The following GFAP variants were observed in gnomAD, a reference collection of about 807,000 sequenced individuals.
GFAP encodes intermediate filament protein.
In GFAP, 38 loss-of-function variants were observed where a neutral mutation model predicts 49.3. That is an observed-to-expected ratio of 0.77 (90% confidence interval 0.60 to 1.01). The LOEUF is 1.01. GFAP is among the 50% of genes least tolerant of loss of function. The pLI, the probability that GFAP is intolerant of heterozygous loss-of-function variation, is 0.00. For missense variants in GFAP, 463 were observed against 579.1 expected, an observed-to-expected ratio of 0.80 and a Z score of 2.06; for synonymous variants, 222 against 236.4, an observed-to-expected ratio of 0.94 and a Z score of 0.56.
chr17:44,912,162 C>T (rs1170299330), intron 4 of GFAP, among the ~76,000 whole-genome samples: 1 of 151,438 alleles, frequency 6.6e-6, no homozygotes, highest in Non-Finnish European at 1.5e-5. Context: ...TTGCTCTTGT[C>T]GCCCAGGTTG....
rs2051628907 is a variant in GFAP at position 44,904,860 on chromosome 17, A to G, written c.*2487T>C. 6.4e-7 allele frequency: 1 copy of G among 1,550,576 alleles called. No homozygotes were observed. The highest frequency in any genetic ancestry group is 2.0e-5 in the Admixed American group (1 of 51,006). On this transcript the variant is annotated 3_prime_UTR_variant, in exon 9 of 9. Transcript: ENST00000588735. ...CAGCTGGATGACCGGGGCATCTACTATTGCTGGAGGCAGGGTGTGCTAGTT... is the reference window on the plus strand; with the variant it reads ...CAGCTGGATGACCGGGGCATCTACTGTTGCTGGAGGCAGGGTGTGCTAGTT...
chr17:44,904,397 A>G lies in GFAP; in HGVS notation c.*2950T>C, dbSNP rs2051617086. The G allele has an allele frequency of 1.3e-6, 2 of 1,542,560 alleles. No individual in the cohort carries two copies. Among genetic ancestry groups the G allele is most frequent in the African/African-American group, 2.7e-5 (2 of 73,012 alleles). On this transcript the variant is annotated 3_prime_UTR_variant, in exon 9 of 9. Coordinates refer to ENST00000588735, the MANE Select transcript of GFAP (RefSeq NM_002055.5). Reference sequence around the variant, plus strand: ...CGGAGTGCGTGGGGAGCAGTGGCGCATCGGCCTCTGCTACCTGCAGAGCCC... The same window carrying G: ...CGGAGTGCGTGGGGAGCAGTGGCGCGTCGGCCTCTGCTACCTGCAGAGCCC...
rs187395499 is a variant in GFAP, at chr17:44,906,762, T to C, written c.*585A>G. The C allele has an allele frequency of 2.6e-4, 46 of 177,460 alleles. No homozygotes were observed. Among genetic ancestry groups the C allele is most frequent in the Non-Finnish European group, 4.6e-4 (38 of 82,666 alleles). 11.0% of individuals were successfully genotyped at this position (177,460 alleles called of 1,614,324 possible). A position where few individuals can be genotyped will look rare whatever the true frequency, so the allele number is the denominator to read the frequency against. On this transcript the variant is annotated 3_prime_UTR_variant, in exon 9 of 9. Coordinates refer to ENST00000588735, the MANE Select transcript of GFAP (RefSeq NM_002055.5). ...ATCCCAGCTACACAGGAGGCTGAGGTGGGTAGACTGCTTGAGCCCAGGAGT... is the reference window on the plus strand; with the variant it reads ...ATCCCAGCTACACAGGAGGCTGAGGCGGGTAGACTGCTTGAGCCCAGGAGT...
intron 2 of GFAP, 71 bp downstream of exon 2, chr17:44,913,957 G>C: frequency 7.5e-7 from 1 of 1,330,530 alleles, no homozygotes; most frequent in Non-Finnish European, 1.1e-6. Context: ...GCTGAGCTTG[G>C]GGGCTGTGTT....
In GFAP at chr17:44,913,804, A is replaced by G; in HGVS notation, c.542T>C (p.Leu181Pro). The change falls in exon 3 of 9, where the codon CTG becomes CCG. Residue 181 changes from leucine (L) to proline (P), a missense_variant. Leu to Pro is a moderately conservative substitution (Grantham distance 98, BLOSUM62 -3). This residue lies in a region of GFAP where 362 missense variants were observed against 445.5 expected (regional missense o/e 0.81). Coordinates refer to ENST00000588735, the MANE Select transcript of GFAP (RefSeq NM_002055.5). Reference protein sequence around the residue: ...AYRQEADEATLARLDLERKIE... With the variant: ...AYRQEADEATPARLDLERKIE... Reference sequence around the variant, plus strand: ...CTTCCTCTCCAGATCCAGACGGGCCAGGGTGGCTTCATCTGCTTCCTGGAG... The same window carrying G: ...CTTCCTCTCCAGATCCAGACGGGCCGGGGTGGCTTCATCTGCTTCCTGGAG... 1 of 1,614,136 alleles carries G rather than the reference A, an allele frequency of 6.2e-7. No homozygotes were observed. Among genetic ancestry groups the G allele is most frequent in the Non-Finnish European group, 8.5e-7 (1 of 1,179,980 alleles).
chr17:44,915,211 C>A lies in GFAP; in HGVS notation c.276G>T (p.Gln92His). The stretch of plus-strand genomic sequence containing the variant: ...GCTCAGCAGCCAGCGCCTTGTTTTG[C>A]TGTTCCAGGAAGCGAACCTTCTCGA... The part of the protein sequence containing the change: ...SYIEKVRFLE[Q>H]QNKALAAELN... Residue 92 changes from glutamine to histidine, a missense_variant, in exon 1 of 9, where the codon CAG becomes CAT. Physicochemically the swap from Gln to His is conservative, Grantham distance 24. Around this residue, in one of 3 missense-constraint regions of GFAP, gnomAD observed 362 missense variants for 445.5 expected, o/e 0.81. Coordinates refer to ENST00000588735, the MANE Select transcript of GFAP (RefSeq NM_002055.5). This position sits in a 1 kb window ranked among gnomAD's most constrained non-coding sequence, Gnocchi z 4.1. 6.2e-7 allele frequency: 1 copy of A among 1,614,246 alleles called. No homozygotes were observed. The highest frequency in any genetic ancestry group is 8.5e-7 in the Non-Finnish European group (1 of 1,180,054).
Position 44,904,716 on chromosome 17 carries a change from A to G in GFAP, c.*2631T>C. ...TCCTGTCCTGGGGCCCGGCCAGAGC[A>G]TGCAGTGGCCTGGGACAAAGACCGC... On this transcript the variant is annotated 3_prime_UTR_variant, in exon 9 of 9. Transcript: ENST00000588735. The G allele has an allele frequency of 6.4e-7, 1 of 1,550,574 alleles. No homozygotes were observed.
Position 44,903,314 on chromosome 17 carries a change from C to T in GFAP, c.*4033G>A, listed in dbSNP as rs79315574. The T allele has an allele frequency of 8.0e-7, 1 of 1,245,514 alleles. No individual in the cohort carries two copies. Among genetic ancestry groups the T allele is most frequent in the Middle Eastern group, 3.1e-4 (1 of 3,226 alleles). The allele number at this position is 1,245,514 out of a possible 1,614,324, so 77.2% of individuals were successfully genotyped here. A position where few individuals can be genotyped will look rare whatever the true frequency, so the allele number is the denominator to read the frequency against. On this transcript the variant is annotated 3_prime_UTR_variant, in exon 9 of 9. Transcript: ENST00000588735. ...GGTGTTGAATTTTCCCCTAGAGACT[C>T]AGTTCTTGTGCAGGTTGGGCCTGGG... is the stretch of plus-strand genomic sequence containing the variant.
chr17:44,910,865 G>A (rs371011198), intron 6 of GFAP: 8 of 670,106 alleles, frequency 1.2e-5, no homozygotes, highest in East Asian at 2.7e-5. Flanking sequence ...TGGGAGGGGC[G>A]CATGTCTATC....
intron 7 of GFAP, chr17:44,910,177 C>G (rs745694665): frequency 6.2e-7 from 1 of 1,613,544 alleles, no homozygotes; most frequent in African/African-American, 1.3e-5. Context: ...ATCTGGTGAG[C>G]CTGTATTGGT....
intron 7 of GFAP, 65 bp downstream of exon 7, chr17:44,910,550 C>A: frequency 6.4e-7 from 1 of 1,554,684 alleles, no homozygotes; most frequent in South Asian, 1.2e-5. Context: ...TCTGGAGCAA[C>A]CTACAGGCCC....
Position 44,907,339 on chromosome 17 carries a change from G to A in GFAP, c.*8C>T. On this transcript the variant is annotated 3_prime_UTR_variant, in exon 9 of 9. Coordinates refer to ENST00000588735, the MANE Select transcript of GFAP (RefSeq NM_002055.5). ...AGACGGGGCAGAGGCCACCAGGTGGGTCCTGCCTCACATCACATCCTTGTG... is the reference window on the plus strand; with the variant it reads ...AGACGGGGCAGAGGCCACCAGGTGGATCCTGCCTCACATCACATCCTTGTG... The A allele has an allele frequency of 3.7e-6, 6 of 1,613,524 alleles. No homozygotes were observed. Among genetic ancestry groups the A allele is most frequent in the Non-Finnish European group, 5.1e-6 (6 of 1,179,518 alleles).
chr17:44,913,494 G>A (rs913567237), intron 3 of GFAP, 64 bp from the exon 4 acceptor site: 5 of 1,545,336 alleles, frequency 3.2e-6, no homozygotes, highest in Non-Finnish European at 4.5e-6. Context: ...GGTTCCCCAC[G>A]CCATTGTGTC....
At position 44,903,688 on chromosome 17, in the gene GFAP, T is replaced by C. The variant is rs1381225888; in HGVS notation, c.*3659A>G. 1.4e-6 allele frequency: 2 copies of C among 1,437,480 alleles called. No individual in the cohort carries two copies. The highest frequency in any genetic ancestry group is 2.9e-5 in the African/African-American group (2 of 69,704). 89.0% of individuals were successfully genotyped at this position (1,437,480 alleles called of 1,614,324 possible). On this transcript the variant is annotated 3_prime_UTR_variant, in exon 9 of 9. Coordinates refer to ENST00000588735, the MANE Select transcript of GFAP (RefSeq NM_002055.5). ...AATTGCCTTGCACTTGGCGGCTTCC[T>C]CTGCAGATTGTTGCTGCTTTTCCTG...
Position 44,907,325 on chromosome 17 carries a change from A to G in GFAP, c.*22T>C. The G allele has an allele frequency of 6.2e-7, 1 of 1,611,960 alleles. No homozygotes were observed. Among genetic ancestry groups the G allele is most frequent in the Non-Finnish European group, 8.5e-7 (1 of 1,178,092 alleles). ...TCGGGCCCCTCATGAGACGGGGCAG[A>G]GGCCACCAGGTGGGTCCTGCCTCAC... On this transcript the variant is annotated 3_prime_UTR_variant, in exon 9 of 9. Transcript: ENST00000588735.
chr17:44,914,449 C>A, intron 1 of GFAP: 1 of 289,624 alleles, frequency 3.5e-6, no homozygotes, highest in Non-Finnish European at 6.5e-6. Flanking sequence ...AGCGCCATGC[C>A]CCTGGGGATT....
rs553623448 is a variant in GFAP at position 44,903,540 on chromosome 17, C to G, written c.*3807G>C. The G allele has an allele frequency of 2.2e-6, 3 of 1,349,646 alleles. No homozygotes were observed. The highest frequency in any genetic ancestry group is 2.8e-6 in the Non-Finnish European group (3 of 1,057,178). The allele number at this position is 1,349,646 out of a possible 1,614,324, so 83.6% of individuals were successfully genotyped here. A position where few individuals can be genotyped will look rare whatever the true frequency, so the allele number is the denominator to read the frequency against. On this transcript the variant is annotated 3_prime_UTR_variant, in exon 9 of 9. Coordinates refer to ENST00000588735, the MANE Select transcript of GFAP (RefSeq NM_002055.5). ...TCATTCCGGTTTCCTTTGACCCATT[C>G]TTGGGTGAGCGCCAGTGTTCTAGAA...
intron 4 of GFAP, chr17:44,913,041 C>G (rs1340932834): frequency 1.5e-5 from 9 of 588,162 alleles, no homozygotes; most frequent in Admixed American, 2.7e-5. Context: ...TAGAACAGAA[C>G]AGTATCAGCT....
intron 7 of GFAP, chr17:44,909,868 G>C: frequency 7.7e-7 from 1 of 1,296,938 alleles, no homozygotes; most frequent in East Asian, 3.4e-5. Context: ...GTGAGACAGA[G>C]GCTGCTGCTT....
Sources: gnomAD v4.1 joint callset for allele counts (sites outside exome capture counted in the v4.1 genomes callset) on GRCh38, gnomAD v4.1.1 for gene constraint, gnomAD v4.1.1 regional missense constraint, Gnocchi (gnomAD v3.1) non-coding constraint, MANE v1.5 for transcripts, NCBI Gene and HGNC (gene_info 2026-07-23, HGNC 2026-07-21) for gene names.